TIE1: variants seen among roughly 807,000 people sequenced by gnomAD.
The protein encoded by TIE1 is tyrosine-protein kinase receptor Tie-1.
TIE1 carries 89 observed loss-of-function variants against 130.5 expected under a neutral mutation model. That is an observed-to-expected ratio of 0.68 (90% confidence interval 0.57 to 0.81). The LOEUF is 0.81. Ranked by LOEUF, TIE1 falls within the 40% of genes least tolerant of loss-of-function variation. The pLI is 0.00. For synonymous variants in TIE1, 568 were observed against 629.4 expected (o/e 0.90, Z 1.46); for missense variants, 1,392 against 1,559.8 (o/e 0.89, Z 1.81).
Position 43,322,883 on chromosome 1 carries a change from G to A in TIE1, c.*161G>A. ...ATCTGGGGATGGGGTGGGCTTAGGG[G>A]AACTGGGTTCCCATGCTTTGTAGGT... On this transcript the variant is annotated 3_prime_UTR_variant, in exon 23 of 23. Coordinates refer to ENST00000372476, the MANE Select transcript of TIE1 (RefSeq NM_005424.5). The surrounding 1 kb of genome is among the most constrained non-coding windows in gnomAD (Gnocchi z 4.0). 1.6e-6 allele frequency: 1 copy of A among 629,976 alleles called. No homozygotes were observed. Among genetic ancestry groups the A allele is most frequent in the East Asian group, 2.8e-5 (1 of 35,384 alleles). The allele number at this position is 629,976 out of a possible 1,614,324, so 39.0% of individuals were successfully genotyped here.
chr1:43,304,825 TAG>T, intron 1 of TIE1, 24 bp from the exon 2 acceptor site: 1 of 1,411,538 alleles, frequency 7.1e-7, no homozygotes, highest in Non-Finnish European at 9.2e-7. Context: ...GGGACTACAA[TAG>T]AGTCACTGGT....
chr1:43,307,868 G>A lies in TIE1; in HGVS notation c.986G>A (p.Arg329Gln), dbSNP rs371384624. Reference protein sequence around the residue: ...CQCQNGGTCDRFSGCVCPSGW... With the variant: ...CQCQNGGTCDQFSGCVCPSGW... ...TGTCAGAATGGTGGCACTTGTGACC[G>A]GTTCAGTGGTTGTGTCTGCCCCTCT... The change falls in exon 7 of 23, where the codon CGG (arginine) becomes CAG (glutamine). Residue 329 changes from arginine (R) to glutamine (Q), a missense_variant. This residue lies in a region of TIE1 where 28 missense variants were observed against 54.7 expected (regional missense o/e 0.51). Coordinates refer to ENST00000372476, the MANE Select transcript of TIE1 (RefSeq NM_005424.5). This position sits in a 1 kb window ranked among gnomAD's most constrained non-coding sequence, Gnocchi z 5.4. 52 of 1,614,048 alleles carry A rather than the reference G, an allele frequency of 3.2e-5. No homozygotes were observed. The highest frequency in any genetic ancestry group is 9.3e-5 in the African/African-American group (7 of 74,918).
At chr1:43,303,196 C>T (rs1023397069) in intron 1 of TIE1, among the ~76,000 whole-genome samples, 1 of 152,124 alleles carries the variant, frequency 6.6e-6, no homozygotes, top group Non-Finnish European at 1.5e-5. Context: ...TCTCAAGTGG[C>T]GGGTGCTGTC....
chr1:43,302,898 T>A (rs1267879190), intron 1 of TIE1, among the ~76,000 whole-genome samples: 1 of 152,090 alleles, frequency 6.6e-6, no homozygotes, highest in South Asian at 2.1e-4. Flanking sequence ...GGAAACAATG[T>A]GCAGAATTCT....
chr1:43,311,602 T>C (rs1646791804), intron 9 of TIE1, 69 bp from the exon 10 acceptor site: 1 of 1,538,696 alleles, frequency 6.5e-7, no homozygotes, highest in Non-Finnish European at 8.7e-7. Context: ...GGTCCCCAGC[T>C]TGAAACAAAG....
chr1:43,313,088 A>C lies in TIE1; in HGVS notation c.1928-47A>C. 6.4e-7 allele frequency: 1 copy of C among 1,560,034 alleles called. No individual in the cohort carries two copies. The highest frequency in any genetic ancestry group is 8.7e-7 in the Non-Finnish European group (1 of 1,152,786). On this transcript the variant is annotated intron_variant, in intron 12 of 22. Transcript: ENST00000372476. This position sits in a 1 kb window ranked among gnomAD's most constrained non-coding sequence, Gnocchi z 6.2. Reference sequence around the variant, plus strand: ...CAGATGTGTCCAGCCCCACAGCTACATAGCCCGGTCCTATCTGAGCCTTGC... The same window carrying C: ...CAGATGTGTCCAGCCCCACAGCTACCTAGCCCGGTCCTATCTGAGCCTTGC...
At chr1:43,320,064 T>C in intron 19 of TIE1, 1 of 177,224 alleles carries the variant, frequency 5.6e-6, no homozygotes, top group South Asian at 1.3e-4. Context: ...CTTACCACAC[T>C]GATCACTCCT....
In TIE1 at chr1:43,307,968, C is replaced by A; in HGVS notation, c.1042+44C>A. The A allele has an allele frequency of 5.0e-6, 8 of 1,606,956 alleles. No individual in the cohort carries two copies. Among genetic ancestry groups the A allele is most frequent in the Non-Finnish European group, 6.0e-6 (7 of 1,174,600 alleles). On this transcript the variant is annotated intron_variant, in intron 7 of 22. Coordinates refer to ENST00000372476, the MANE Select transcript of TIE1 (RefSeq NM_005424.5). This position sits in a 1 kb window ranked among gnomAD's most constrained non-coding sequence, Gnocchi z 5.4. ...CTGAGAGCCCCCCAAGATAAGTCGGCCTTTACCAAACACATCTCCCCGGTG... is the reference window on the plus strand; with the variant it reads ...CTGAGAGCCCCCCAAGATAAGTCGGACTTTACCAAACACATCTCCCCGGTG...
In TIE1 at chr1:43,317,802, T is replaced by C; in HGVS notation, c.2732-80T>C. 1 of 1,534,500 alleles carries C rather than the reference T, an allele frequency of 6.5e-7. No individual in the cohort carries two copies. The highest frequency in any genetic ancestry group is 9.0e-7 in the Non-Finnish European group (1 of 1,115,762). ...ACCACCCTTGATCCTCCTTCATCCC[T>C]GTCTGTTACCATCGGGTGCCTGCTC... is the stretch of plus-strand genomic sequence containing the variant. On this transcript the variant is annotated intron_variant, in intron 16 of 22. Coordinates refer to ENST00000372476, the MANE Select transcript of TIE1 (RefSeq NM_005424.5). This position sits in a 1 kb window ranked among gnomAD's most constrained non-coding sequence, Gnocchi z 5.1.
Position 43,312,899 on chromosome 1 carries a change from G to A in TIE1, c.1928-236G>A, listed in dbSNP as rs1041900170. On this transcript the variant is annotated intron_variant, in intron 12 of 22. Coordinates refer to ENST00000372476, the MANE Select transcript of TIE1 (RefSeq NM_005424.5). This position sits in a 1 kb window ranked among gnomAD's most constrained non-coding sequence, Gnocchi z 5.6. ...GAGACTTGCGGAACACAGGGCATGG[G>A]CGGATGTGGAGAGGACTTGGGATAC... Among the ~76,000 whole-genome samples, 1 of 152,070 alleles carries A rather than the reference G, an allele frequency of 6.6e-6. No homozygotes were observed. The highest frequency in any genetic ancestry group is 1.5e-5 in the Non-Finnish European group (1 of 67,994).
At position 43,301,040 on chromosome 1, in the gene TIE1, C is replaced by T. The variant is rs756286655; in HGVS notation, c.-32C>T. 1.6e-5 allele frequency: 25 copies of T among 1,611,952 alleles called. No homozygotes were observed. The highest frequency in any genetic ancestry group is 2.1e-5 in the Non-Finnish European group (25 of 1,178,734). On this transcript the variant is annotated 5_prime_UTR_variant, in exon 1 of 23. Coordinates refer to ENST00000372476, the MANE Select transcript of TIE1 (RefSeq NM_005424.5). ...ACAGCATCTGACCCCAGGCCCAGCT[C>T]GTCCTGGCTGGCCTGGGTCGGCCTC...
At position 43,322,428 on chromosome 1, in the gene TIE1, T is replaced by A. The variant is rs1646929123; in HGVS notation, c.3346-223T>A. Among the ~76,000 whole-genome samples the A allele has an allele frequency of 6.6e-6, 1 of 152,140 alleles. No individual in the cohort carries two copies. The highest frequency in any genetic ancestry group is 1.9e-4 in the East Asian group (1 of 5,178). ...ATTGAAAGAGTGCATGTAAAAACCC[T>A]CCTCTAACAATGGCATTGAGAGCCT... On this transcript the variant is annotated intron_variant, in intron 22 of 22. Coordinates refer to ENST00000372476, the MANE Select transcript of TIE1 (RefSeq NM_005424.5). This position sits in a 1 kb window ranked among gnomAD's most constrained non-coding sequence, Gnocchi z 4.0.
rs1314190517 is a variant in TIE1, at chr1:43,307,799, G to C, written c.917G>C (p.Cys306Ser). 5.0e-6 allele frequency: 8 copies of C among 1,613,956 alleles called. No homozygotes were observed. In the Admixed American group the frequency reaches 1.3e-4, roughly 27 times the overall value. ...GWRGSQCQEA[C>S]APGHFGADCR... ...ATCATACCTCCTCTATTCCCAGCTT[G>C]TGCCCCTGGTCATTTTGGGGCTGAT... The change falls in exon 7 of 23, where the codon TGT (cysteine) becomes TCT (serine). Residue 306 changes from cysteine (C) to serine (S), a missense_variant. Coordinates refer to ENST00000372476, the MANE Select transcript of TIE1 (RefSeq NM_005424.5). This position sits in a 1 kb window ranked among gnomAD's most constrained non-coding sequence, Gnocchi z 5.4.
Position 43,305,320 on chromosome 1 carries a change from C to T in TIE1, c.461C>T (p.Thr154Ile), listed in dbSNP as rs1374834777. The change falls in exon 3 of 23, where the codon ACA becomes ATA. Residue 154 changes from threonine to isoleucine, a missense_variant. This residue lies in a region of TIE1 where 415 missense variants were observed against 424.8 expected (regional missense o/e 0.98). Transcript: ENST00000372476. ...GCACGTGTGCACAAGGAGAAGCAGA[C>T]AGACGTGATCTGGAAGAGCAACGGT... ...LSARVHKEKQ[T>I]DVIWKSNGSY... 6.3e-7 allele frequency: 1 copy of T among 1,579,392 alleles called. No individual in the cohort carries two copies. The highest frequency in any genetic ancestry group is 8.6e-7 in the Non-Finnish European group (1 of 1,160,100).
rs1467879042 is a variant in TIE1 at position 43,309,433 on chromosome 1, G to A, written c.1234G>A (p.Glu412Lys). ...VEPEKTTAEF[E>K]VPRLVLADSG... is the part of the protein sequence containing the mutation. Reference sequence around the variant, plus strand: ...GCCAGAGAAGACCACAGCTGAGTTCGAGGTGCCCCGCTTGGTTCTTGCGGA... The same window carrying A: ...GCCAGAGAAGACCACAGCTGAGTTCAAGGTGCCCCGCTTGGTTCTTGCGGA... The change falls in exon 9 of 23, where the codon GAG becomes AAG. Residue 412 changes from glutamate to lysine, a missense_variant. Coordinates refer to ENST00000372476, the MANE Select transcript of TIE1 (RefSeq NM_005424.5). The surrounding 1 kb of genome is among the most constrained non-coding windows in gnomAD (Gnocchi z 6.3). 68 of 1,611,082 alleles carry A rather than the reference G, an allele frequency of 4.2e-5. No homozygotes were observed. The highest frequency in any genetic ancestry group is 5.1e-5 in the Non-Finnish European group (60 of 1,178,702).
Position 43,317,592 on chromosome 1 carries a change from CTT to C in TIE1, c.2651_2652del (p.Phe884CysfsTer24). ...ATGCCTCTGAAAATGACCATCGTGA[CTT>C]TGCGGGAGAACTGGAAGTTCTGTGC... ...EYASENDHRD[F>X]AGELEVLCKL... is the part of the protein sequence containing the mutation. On this transcript the variant is annotated frameshift_variant, in exon 16 of 23. Transcript: ENST00000372476. LOFTEE classifies it high-confidence loss of function. This position sits in a 1 kb window ranked among gnomAD's most constrained non-coding sequence, Gnocchi z 5.1. The C allele has an allele frequency of 6.2e-7, 1 of 1,608,944 alleles. No individual in the cohort carries two copies. The highest frequency in any genetic ancestry group is 8.5e-7 in the Non-Finnish European group (1 of 1,176,474).
Position 43,318,150 on chromosome 1 carries a change from C to A in TIE1, c.2922+78C>A. 6.8e-7 allele frequency: 1 copy of A among 1,471,636 alleles called. No individual in the cohort carries two copies. Among genetic ancestry groups the A allele is most frequent in the South Asian group, 1.4e-5 (1 of 72,332 alleles). 91.2% of individuals were successfully genotyped at this position (1,471,636 alleles called of 1,614,324 possible). A position where few individuals can be genotyped will look rare whatever the true frequency, so the allele number is the denominator to read the frequency against. ...TGTCAGTGGAAGAAGTCAGCCGGCC[C>A]TGATTGTATCTGGGGATTGAGGTTC... On this transcript the variant is annotated intron_variant, in intron 17 of 22. Coordinates refer to ENST00000372476, the MANE Select transcript of TIE1 (RefSeq NM_005424.5). The surrounding 1 kb of genome is among the most constrained non-coding windows in gnomAD (Gnocchi z 4.4).
rs954075404 is a variant in TIE1 at position 43,306,593 on chromosome 1, G to A, written c.485-247G>A. Among the ~76,000 whole-genome samples, 2 of 152,112 alleles carry A rather than the reference G, an allele frequency of 1.3e-5. No individual in the cohort carries two copies. The highest frequency in any genetic ancestry group is 6.5e-5 in the Admixed American group (1 of 15,274). ...AGTGGCAGTGGGTGTGGGGAGAAGC[G>A]GACTGGGTTAGGGGATGAGGAGGAG... On this transcript the variant is annotated intron_variant, in intron 3 of 22. Transcript: ENST00000372476. This position sits in a 1 kb window ranked among gnomAD's most constrained non-coding sequence, Gnocchi z 4.9.
rs569440737 is a variant in TIE1 at position 43,307,261 on chromosome 1, C to T, written c.760C>T (p.Arg254Cys). Reference sequence around the variant, plus strand: ...ATGCCCCCCTGGCTTCACTGGCACCCGCTGTGAACAGGGTAAGGAGGAGGG... The same window carrying T: ...ATGCCCCCCTGGCTTCACTGGCACCTGCTGTGAACAGGGTAAGGAGGAGGG... ...CVCPPGFTGT[R>C]CEQACREGRF... The change falls in exon 5 of 23, where the codon CGC (arginine) becomes TGC (cysteine). Residue 254 changes from arginine (R) to cysteine (C), a missense_variant. This residue lies in a region of TIE1 where 415 missense variants were observed against 424.8 expected (regional missense o/e 0.98). Transcript: ENST00000372476. This position sits in a 1 kb window ranked among gnomAD's most constrained non-coding sequence, Gnocchi z 5.4. 43 of 1,614,106 alleles carry T rather than the reference C, an allele frequency of 2.7e-5. No homozygotes were observed. Among genetic ancestry groups the T allele is most frequent in the Admixed American group, 6.7e-5 (4 of 60,034 alleles).
Sources: gnomAD v4.1 joint callset for allele counts (sites outside exome capture counted in the v4.1 genomes callset) on GRCh38, gnomAD v4.1.1 for gene constraint, gnomAD v4.1.1 regional missense constraint, Gnocchi (gnomAD v3.1) non-coding constraint, MANE v1.5 for transcripts, NCBI Gene and HGNC (gene_info 2026-07-23, HGNC 2026-07-21) for gene names.